The following RTTN variants were observed in gnomAD, a reference collection of about 807,000 sequenced individuals.
RTTN encodes the protein rotatin.
RTTN carries 182 observed loss-of-function variants against 269.2 expected under a neutral mutation model. That is an observed-to-expected ratio of 0.68 (90% CI 0.60 to 0.76). The LOEUF (loss-of-function observed/expected upper bound fraction) is 0.76. Ranked by LOEUF, RTTN falls within the 30% of genes least tolerant of loss-of-function variation. The probability of loss-of-function intolerance (pLI) is 0.00; values close to 1 mark genes in which losing one functional copy is unlikely to be tolerated. For missense variants in RTTN, 2,545 were observed against 2,608.6 expected (o/e 0.98, Z 0.53); for synonymous variants, 1,006 against 963.5 (o/e 1.04, Z -0.82).
At chr18:70,150,580 A>G in intron 15 of RTTN, 28 bp downstream of exon 15, 1 of 1,604,496 alleles carries the variant, frequency 6.2e-7, no homozygotes, top group East Asian at 2.2e-5. Context: ...AGTTACTGTA[A>G]TATTTTCACT....
intron 34 of RTTN, among the ~76,000 whole-genome samples, chr18:70,072,512 T>C: frequency 6.6e-6 from 1 of 152,128 alleles, no homozygotes; most frequent in East Asian, 1.9e-4. Context: ...TAAATGTTAT[T>C]ACAAAATAGA....
In RTTN at chr18:70,188,116, T is replaced by C. The variant is rs2061588522; in HGVS notation, c.1297A>G (p.Ile433Val). Residue 433 changes from isoleucine to valine, a missense_variant, in exon 10 of 49, where the codon ATA (isoleucine) becomes GTA (valine). Transcript: ENST00000640769. ...AAAACATTGATTCTTACCATATCTA[T>C]ACCAAAAAGGCTGCTGTCATCCCAG... ...DIWDDSSLFG[I>V]DMKEKLLLVL... 1.3e-6 allele frequency: 2 copies of C among 1,578,400 alleles called. No individual in the cohort carries two copies. The highest frequency in any genetic ancestry group is 1.7e-6 in the Non-Finnish European group (2 of 1,148,070).
At chr18:70,067,454 C>A (rs1284759059) in intron 34 of RTTN, among the ~76,000 whole-genome samples, 1 of 152,158 alleles carries the variant, frequency 6.6e-6, no homozygotes, top group Non-Finnish European at 1.5e-5. Context: ...CCACCGCGCC[C>A]AGCAAGCTTG....
intron 28 of RTTN, among the ~76,000 whole-genome samples, chr18:70,107,128 ACT>A (rs756185684): frequency 3.3e-5 from 5 of 152,162 alleles, no homozygotes; most frequent in Non-Finnish European, 7.3e-5. Flanking sequence ...GATGTAGGAC[ACT>A]CTGTTGCGGA....
intron 40 of RTTN, among the ~76,000 whole-genome samples, chr18:70,046,058 T>C (rs2057481854): frequency 7.5e-6 from 1 of 132,836 alleles, no homozygotes; most frequent in South Asian, 2.4e-4. Context: ...CTAGCACAGA[T>C]TTTTTTTTTC....
At chr18:70,145,822 T>C (rs777833267) in intron 17 of RTTN, 39 bp from the exon 18 acceptor site, 40 of 1,508,954 alleles carry the variant, frequency 2.7e-5, no homozygotes, top group Non-Finnish European at 3.4e-5. Context: ...TTTCGTGATA[T>C]GCAAATGTCT....
intron 3 of RTTN, among the ~76,000 whole-genome samples, chr18:70,202,667 G>A (rs1184254841): frequency 1.3e-5 from 2 of 152,208 alleles, no homozygotes; most frequent in East Asian, 3.8e-4. Context: ...TCACAGGTTT[G>A]GGAGCCAGAT....
At chr18:70,154,965 C>T (rs185848154) in intron 14 of RTTN, among the ~76,000 whole-genome samples, 21 of 152,230 alleles carry the variant, frequency 1.4e-4, no homozygotes, top group African/African-American at 4.8e-4. Context: ...CATTCAACAT[C>T]TCACTTTCAA....
rs745509191 is a variant in RTTN at position 70,030,075 on chromosome 18, T to C, written c.5682A>G (p.Lys1894=). ...NLIDNCMEQM[K]HINAQLNLDS... ...CTAGGTTCAGTTGTGCATTTATGTG[T>C]TTCATCTGCTCCATGCAATTGTCTA... Residue 1894 remains lysine, a synonymous_variant, in exon 42 of 49, where the codon AAA becomes AAG. Transcript: ENST00000640769. 9.9e-6 allele frequency: 16 copies of C among 1,612,850 alleles called. No individual in the cohort carries two copies. The Admixed American group carries it at 2.7e-4, about 27-fold the overall frequency.
rs145375692 is a variant in RTTN, at chr18:70,099,330, T to G, written c.3904-6526A>C. The stretch of plus-strand genomic sequence containing the variant: ...TCTCATTGTCGTTTTGATTTGCATT[T>G]CTCCGATGATGAGCATTCTTTCATG... On this transcript the variant is annotated intron_variant, in intron 28 of 48. Transcript: ENST00000640769. Among the ~76,000 whole-genome samples the G allele has an allele frequency of 6.0e-3, 916 of 152,054 alleles. 3 individuals carry two copies. The highest frequency in any genetic ancestry group is 0.01 in the Middle Eastern group (3 of 294).
rs142054913 is a variant in RTTN, at chr18:70,183,610, T to A, written c.1305+4498A>T. Among the ~76,000 whole-genome samples, 37 of 152,292 alleles carry A rather than the reference T, an allele frequency of 2.4e-4. 1 individual carries two copies. Among genetic ancestry groups the A allele is most frequent in the African/African-American group, 7.0e-4 (29 of 41,548 alleles). ...ACCTTAACACTTCCTCAAGGTTTTC[T>A]GACATCTTGAGCTAAAACATTCTTT... On this transcript the variant is annotated intron_variant, in intron 10 of 48. Coordinates refer to ENST00000640769, the MANE Select transcript of RTTN (RefSeq NM_173630.4).
At chr18:70,021,076 G>A in intron 44 of RTTN, 1 of 340,398 alleles carries the variant, frequency 2.9e-6, no homozygotes, top group Admixed American at 4.4e-5. Flanking sequence ...AAACATACTA[G>A]GGTTTTTAAT....
At chr18:70,151,308 C>G (rs1018604311) in intron 14 of RTTN, among the ~76,000 whole-genome samples, 4 of 150,220 alleles carry the variant, frequency 2.7e-5, no homozygotes, top group African/African-American at 9.7e-5. Context: ...ACCTAAAATA[C>G]AATTACTTTG....
chr18:70,068,065 G>C (rs187928855), intron 34 of RTTN, among the ~76,000 whole-genome samples: 1 of 152,266 alleles, frequency 6.6e-6, no homozygotes, highest in East Asian at 1.9e-4. Context: ...TATTTTTTAA[G>C]TGTGCTAAAC....
intron 28 of RTTN, among the ~76,000 whole-genome samples, chr18:70,104,539 AG>A (rs763513640): frequency 3.3e-5 from 5 of 152,204 alleles, no homozygotes; most frequent in Non-Finnish European, 7.3e-5. Context: ...GTTGCTGACA[AG>A]GAGCTGTGTT....
At chr18:70,199,012 C>T (rs1002050277) in intron 5 of RTTN, among the ~76,000 whole-genome samples, 2 of 152,236 alleles carry the variant, frequency 1.3e-5, no homozygotes, top group East Asian at 3.9e-4. Context: ...CGTGGGGAAA[C>T]CCCATCTCTA....
At position 70,134,515 on chromosome 18, in the gene RTTN, G is replaced by C. The variant is rs201796504; in HGVS notation, c.2912C>G (p.Ser971Cys). 6 of 1,610,344 alleles carry C rather than the reference G, an allele frequency of 3.7e-6. No homozygotes were observed. The highest frequency in any genetic ancestry group is 2.5e-6 in the Non-Finnish European group (3 of 1,178,218). The change falls in exon 23 of 49, where the codon TCT (serine) becomes TGT (cysteine). Residue 971 changes from serine (S) to cysteine (C), a missense_variant. By Grantham distance (112) the Ser-to-Cys change is moderately radical. Transcript: ENST00000640769. Reference protein sequence around the residue: ...MWSVNPSNKPSLPSVFSLPVS... With the variant: ...MWSVNPSNKPCLPSVFSLPVS... ...AGGCAAACTGAAGACCGATGGCAAA[G>C]AAGGTTTATTGGAAGGATTAACAGA...
chr18:70,020,703 G>C lies in RTTN; in HGVS notation c.6065C>G (p.Pro2022Arg). 6.2e-7 allele frequency: 1 copy of C among 1,614,034 alleles called. No homozygotes were observed. The highest frequency in any genetic ancestry group is 8.5e-7 in the Non-Finnish European group (1 of 1,179,936). ...LCILKLASQM[P>R]LENTTVQQMV... ...CTGCTGAACCGTGGTGTTCTCCAGTGGCATCTGGGAAGCCAACTTTAGGAT... is the reference window on the plus strand; with the variant it reads ...CTGCTGAACCGTGGTGTTCTCCAGTCGCATCTGGGAAGCCAACTTTAGGAT... The change falls in exon 45 of 49, where the codon CCA (proline) becomes CGA (arginine). Residue 2022 changes from proline to arginine, a missense_variant. Transcript: ENST00000640769.
chr18:70,177,616 G>GA (rs927122193), intron 10 of RTTN, among the ~76,000 whole-genome samples: 43 of 142,446 alleles, frequency 3.0e-4, no homozygotes, highest in Middle Eastern at 3.7e-3. Flanking sequence ...CAGTAAGAAA[G>GA]AAAAAAAAAA....
Sources: allele counts gnomAD v4.1 joint callset (sites outside exome capture counted in the v4.1 genomes callset), GRCh38; gene constraint gnomAD v4.1.1; transcripts MANE v1.5; gene names NCBI Gene and HGNC (gene_info 2026-07-23, HGNC 2026-07-21).